The following SLC44A5 variants were observed in gnomAD, a reference collection of about 807,000 sequenced individuals.
SLC44A5 encodes the protein solute carrier family 44 member 5, also known as choline transporter-like protein 5.
SLC44A5 carries 57 observed loss-of-function variants against 101.8 expected under a neutral mutation model. The ratio of observed to expected loss-of-function variants is 0.56; its 90% CI spans 0.45 to 0.70. The LOEUF is 0.70. Ranked by LOEUF, SLC44A5 falls within the 30% of genes least tolerant of loss-of-function variation. The pLI is 0.00. For missense variants in SLC44A5, 737 were observed against 853.1 expected (o/e 0.86, Z 1.70); for synonymous variants, 281 against 290.9 (o/e 0.97, Z 0.35).
At chr1:75,710,596 T>C in the SLC44A5 span, 1 of 92,754 alleles carries the variant, frequency 1.1e-5, no homozygotes, top group African/African-American at 4.2e-5. Context: ...AAGGAAAAAA[T>C]AAGCAGTTAA....
In SLC44A5 at chr1:75,237,016, G is replaced by A. The variant is rs565239929; in HGVS notation, c.711C>T (p.Asp237=). The A allele has an allele frequency of 5.7e-5, 91 of 1,601,948 alleles. No individual in the cohort carries two copies. Among genetic ancestry groups the A allele is most frequent in the Non-Finnish European group, 7.4e-5 (87 of 1,171,170 alleles). The change falls in exon 11 of 24, where the codon GAC becomes GAT. Residue 237 remains aspartate, a synonymous_variant. Transcript: ENST00000370859. ...AKSLGLKVFE[D]YARTWYWILI... ...GAATCCAATACCAAGTTCTTGCATA[G>A]TCTTCAAACACTTTCAATCCAAGTG...
intron 1 of SLC44A5, among the ~76,000 whole-genome samples, chr1:75,543,436 T>C (rs1174208991): frequency 6.6e-6 from 1 of 151,958 alleles, no homozygotes; most frequent in African/African-American, 2.4e-5. Flanking sequence ...TATTCTCTGC[T>C]AACTTTTTCT....
At chr1:75,282,341 T>C (rs529970626) in intron 5 of SLC44A5, among the ~76,000 whole-genome samples, 1 of 152,334 alleles carries the variant, frequency 6.6e-6, no homozygotes, top group African/African-American at 2.4e-5. Context: ...CTATTATATC[T>C]AGGAAGTAAT....
At chr1:75,561,952 T>TGGGA (rs150267291) in intron 1 of SLC44A5, among the ~76,000 whole-genome samples, 5,034 of 152,030 alleles carry the variant, frequency 0.033, 303 homozygotes, top group African/African-American at 0.12. Context: ...AACACAATTT[T>TGGGA]GGGAGGGAGG....
chr1:75,322,962 T>A (rs1394110539), intron 4 of SLC44A5, among the ~76,000 whole-genome samples: 3 of 152,082 alleles, frequency 2.0e-5, no homozygotes, highest in African/African-American at 7.2e-5. Flanking sequence ...TTATTATACT[T>A]TAAGTTTTAG....
At chr1:75,615,914 C>A (rs1675859376), upstream of SLC44A5, 3 of 985,736 alleles carry the variant, frequency 3.0e-6, no homozygotes, top group Middle Eastern at 2.8e-4. Flanking sequence ...CCCCCGGACC[C>A]CCCACGCGCT....
intron 8 of SLC44A5, 81 bp downstream of exon 8, chr1:75,242,805 C>G (rs1648753293): frequency 4.8e-6 from 7 of 1,446,294 alleles, no homozygotes; most frequent in East Asian, 4.7e-5. Context: ...GGAGCTTGTT[C>G]AGTAACAAAT....
intron 1 of SLC44A5, among the ~76,000 whole-genome samples, chr1:75,545,473 T>G (rs1671595806): frequency 1.3e-5 from 2 of 152,180 alleles, no homozygotes. Flanking sequence ...TTCCACTTGG[T>G]TAGATTCAGA....
chr1:75,485,163 CT>C (rs1315600665), intron 2 of SLC44A5, among the ~76,000 whole-genome samples: 1 of 152,192 alleles, frequency 6.6e-6, no homozygotes, highest in South Asian at 2.1e-4. Context: ...ATGGGTTTTT[CT>C]TTTTTCTCAT....
chr1:75,220,985 C>A (rs1570392250), intron 14 of SLC44A5, among the ~76,000 whole-genome samples: 1 of 152,262 alleles, frequency 6.6e-6, no homozygotes, highest in East Asian at 1.9e-4. Flanking sequence ...GGCCCTTTAA[C>A]ACAAACACAT....
the SLC44A5 span, among the ~76,000 whole-genome samples, chr1:75,647,617 G>GCTGC: frequency 1.3e-5 from 2 of 152,332 alleles, no homozygotes; most frequent in Middle Eastern, 3.4e-3. Flanking sequence ...CAGAGGCAGA[G>GCTGC]CTGCTCAAGG....
chr1:75,397,769 T>C (rs1662219110), intron 2 of SLC44A5, among the ~76,000 whole-genome samples: 1 of 152,134 alleles, frequency 6.6e-6, no homozygotes, highest in African/African-American at 2.4e-5. Context: ...GAATTCAAAC[T>C]TAGGTCTGTG....
chr1:75,461,423 G>T (rs1227701168), intron 2 of SLC44A5, among the ~76,000 whole-genome samples: 4 of 152,010 alleles, frequency 2.6e-5, no homozygotes, highest in Non-Finnish European at 2.9e-5. Flanking sequence ...AATATTATTA[G>T]TTCACTGGAG....
intron 4 of SLC44A5, among the ~76,000 whole-genome samples, chr1:75,309,187 T>C (rs1428822065): frequency 2.0e-5 from 3 of 152,228 alleles, no homozygotes; most frequent in Non-Finnish European, 4.4e-5. Flanking sequence ...CTCATGCCTG[T>C]AATTCCAACA....
chr1:75,242,792 T>G, intron 8 of SLC44A5, 94 bp downstream of exon 8: 1 of 1,373,848 alleles, frequency 7.3e-7, no homozygotes, highest in African/African-American at 1.5e-5. Context: ...CCTAGAAGAT[T>G]TGGGAGCTTG....
intron 1 of SLC44A5, among the ~76,000 whole-genome samples, chr1:75,572,903 G>A (rs1487982250): frequency 2.6e-5 from 4 of 151,816 alleles, no homozygotes; most frequent in Middle Eastern, 3.4e-3. Flanking sequence ...CAGGCAGATC[G>A]CCTGAGATCA....
chr1:75,459,608 T>C (rs573706437), intron 2 of SLC44A5, among the ~76,000 whole-genome samples: 1 of 152,292 alleles, frequency 6.6e-6, no homozygotes, highest in Non-Finnish European at 1.5e-5. Context: ...GTTATGTGAC[T>C]TGCCCAAGTA....
At chr1:75,602,517 T>C (rs1002395962) in intron 1 of SLC44A5, among the ~76,000 whole-genome samples, 9 of 152,140 alleles carry the variant, frequency 5.9e-5, no homozygotes, top group African/African-American at 2.2e-4. Context: ...ACAGTTAAGA[T>C]ATCCCTGGAC....
At chr1:75,444,578 TTG>T (rs1014847151) in intron 2 of SLC44A5, among the ~76,000 whole-genome samples, 4 of 150,824 alleles carry the variant, frequency 2.7e-5, no homozygotes, top group African/African-American at 9.8e-5. Context: ...TATTTTTGCT[TTG>T]TTTTTTTTTT....
Sources: gnomAD v4.1 joint callset for allele counts (sites outside exome capture counted in the v4.1 genomes callset) on GRCh38, gnomAD v4.1.1 for gene constraint, MANE v1.5 for transcripts, NCBI Gene and HGNC (gene_info 2026-07-23, HGNC 2026-07-21) for gene names.